The following PDE9A variants were observed in gnomAD, a reference collection of about 807,000 sequenced individuals.
PDE9A encodes the protein phosphodiesterase 9A.
PDE9A carries 60 observed loss-of-function variants against 87.4 expected under a neutral mutation model. The ratio of observed to expected loss-of-function variants is 0.69; its 90% confidence interval spans 0.56 to 0.85. The LOEUF (loss-of-function observed/expected upper bound fraction) is 0.85. PDE9A is among the 40% of genes least tolerant of loss of function. The probability of loss-of-function intolerance (pLI) is 0.00; values close to 1 mark genes in which losing one functional copy is unlikely to be tolerated. For synonymous variants in PDE9A, 272 were observed against 279.4 expected, an observed-to-expected ratio of 0.97 and a Z score of 0.27; for missense variants, 665 against 779.0, an observed-to-expected ratio of 0.85 and a Z score of 1.74.
chr21:42,731,397 TAG>T (rs1367830118), intron 4 of PDE9A, among the ~76,000 whole-genome samples: 1 of 152,140 alleles, frequency 6.6e-6, no homozygotes, highest in East Asian at 1.9e-4. Context: ...TGGAGCCAGG[TAG>T]AGACCGCTCC....
At chr21:42,686,783 C>G (rs1414424445) in intron 2 of PDE9A, among the ~76,000 whole-genome samples, 58 of 152,096 alleles carry the variant, frequency 3.8e-4, no homozygotes, top group Admixed American at 3.8e-3. Flanking sequence ...CCATTGCACT[C>G]CAGCCTGGGC....
At position 42,731,927 on chromosome 21, in the gene PDE9A, G is replaced by T. The variant is rs377383255; in HGVS notation, c.420G>T (p.Gln140His). 2 of 1,613,880 alleles carry T rather than the reference G, an allele frequency of 1.2e-6. No homozygotes were observed. The highest frequency in any genetic ancestry group is 1.7e-6 in the Non-Finnish European group (2 of 1,179,892). Residue 140 changes from glutamine (Q) to histidine (H), a missense_variant, in exon 5 of 20, where the codon CAG (glutamine) becomes CAT (histidine). Transcript: ENST00000291539. ...PRPREPQGCYQEGQRIPPERE... is the reference protein window; with the variant it reads ...PRPREPQGCYHEGQRIPPERE... ...CCAGAGAGCCCCAGGGCTGCTACCA[G>T]GAAGGCCAGCGCATCCCTCCAGGTA...
At chr21:42,747,891 A>C (rs925814715) in intron 8 of PDE9A, among the ~76,000 whole-genome samples, 3 of 152,236 alleles carry the variant, frequency 2.0e-5, no homozygotes, top group African/African-American at 7.2e-5. Context: ...AAATGAAAGC[A>C]AAGATAAGCT....
At chr21:42,732,257 CG>C in intron 6 of PDE9A, 133 bp downstream of exon 6, 1 of 807,594 alleles carries the variant, frequency 1.2e-6, no homozygotes, top group African/African-American at 1.7e-5. Context: ...AGGAGCTGCC[CG>C]CACGGTGGAA....
chr21:42,672,343 T>C (rs912603547), intron 1 of PDE9A, among the ~76,000 whole-genome samples: 3 of 152,352 alleles, frequency 2.0e-5, no homozygotes, highest in East Asian at 3.9e-4. Flanking sequence ...GGAATGAAGA[T>C]GACACAGCAC....
chr21:42,673,737 G>A (rs1049144995), intron 1 of PDE9A, among the ~76,000 whole-genome samples: 6 of 152,260 alleles, frequency 3.9e-5, no homozygotes, highest in African/African-American at 1.4e-4. Context: ...AGTTTGTCAC[G>A]GTGGCCCCCC....
At chr21:42,680,041 G>A (rs551933487) in intron 1 of PDE9A, among the ~76,000 whole-genome samples, 1 of 152,324 alleles carries the variant, frequency 6.6e-6, no homozygotes, top group South Asian at 2.1e-4. Flanking sequence ...AGGACCTGGG[G>A]TGCCAGGAGC....
At chr21:42,753,430 T>C (rs2054640445) in intron 9 of PDE9A, among the ~76,000 whole-genome samples, 1 of 152,198 alleles carries the variant, frequency 6.6e-6, no homozygotes, top group South Asian at 2.1e-4. Context: ...AAGCGAGATA[T>C]GGAACATTTC....
intron 14 of PDE9A, among the ~76,000 whole-genome samples, chr21:42,764,147 G>A (rs889760613): frequency 1.8e-4 from 28 of 152,208 alleles, no homozygotes; most frequent in African/African-American, 4.3e-4. Flanking sequence ...GAGGAGCGCC[G>A]ACAGCCGCAC....
At chr21:42,683,470 A>G (rs1474481943) in intron 1 of PDE9A, among the ~76,000 whole-genome samples, 1 of 152,140 alleles carries the variant, frequency 6.6e-6, no homozygotes, top group Non-Finnish European at 1.5e-5. Flanking sequence ...TTTTTGGTCC[A>G]TTTTATAGCA....
intron 1 of PDE9A, among the ~76,000 whole-genome samples, chr21:42,677,645 CT>C (rs3841782): frequency 0.15 from 21,485 of 147,866 alleles, 3,696 homozygotes; most frequent in African/African-American, 0.42. Flanking sequence ...ATCCAGTTAT[CT>C]TTTTTTTTTT....
intron 1 of PDE9A, among the ~76,000 whole-genome samples, chr21:42,672,407 C>T (rs1052504688): frequency 3.9e-5 from 6 of 152,264 alleles, no homozygotes; most frequent in African/African-American, 1.4e-4. Flanking sequence ...GCGTTTGGCT[C>T]TGGTTCTAGC....
intron 4 of PDE9A, among the ~76,000 whole-genome samples, chr21:42,717,588 C>T (rs947329495): frequency 6.6e-6 from 1 of 151,124 alleles, no homozygotes; most frequent in African/African-American, 2.4e-5. Flanking sequence ...GACGAGGTTT[C>T]ACCATGTTGG....
chr21:42,758,874 G>A, intron 10 of PDE9A, 125 bp from the exon 11 acceptor site: 1 of 660,034 alleles, frequency 1.5e-6, no homozygotes, highest in Non-Finnish European at 2.7e-6. Flanking sequence ...CTTTCTGGGA[G>A]GGGGAGAACC....
intron 15 of PDE9A, chr21:42,765,756 G>A: frequency 2.2e-6 from 1 of 458,894 alleles, no homozygotes; most frequent in South Asian, 2.1e-5. Context: ...ATAAGTGGGT[G>A]AAGGCCGTGC....
At chr21:42,708,776 G>A (rs891219847) in intron 4 of PDE9A, among the ~76,000 whole-genome samples, 12 of 151,940 alleles carry the variant, frequency 7.9e-5, no homozygotes, top group Non-Finnish European at 1.3e-4. Flanking sequence ...GGCTGATCTC[G>A]AACTCCTGAC....
At chr21:42,713,628 A>AATTTTGGTATT (rs2049545865) in intron 4 of PDE9A, among the ~76,000 whole-genome samples, 1 of 152,050 alleles carries the variant, frequency 6.6e-6, no homozygotes, top group Non-Finnish European at 1.5e-5. Context: ...GATTTTATGT[A>AATTTTGGTATT]ATTTTGGTAT....
intron 15 of PDE9A, among the ~76,000 whole-genome samples, chr21:42,766,367 G>C (rs943235425): frequency 6.6e-6 from 1 of 151,662 alleles, no homozygotes; most frequent in Non-Finnish European, 1.5e-5. Flanking sequence ...CTGCCCTCCC[G>C]GCCTTCAGAG....
chr21:42,744,116 G>T (rs2053598425), intron 8 of PDE9A, among the ~76,000 whole-genome samples: 1 of 152,218 alleles, frequency 6.6e-6, no homozygotes, highest in South Asian at 2.1e-4. Flanking sequence ...ACTTTGGGAG[G>T]CCGAGGTGGG....
Sources: gnomAD v4.1 joint callset for allele counts (sites outside exome capture counted in the v4.1 genomes callset) on GRCh38, gnomAD v4.1.1 for gene constraint, MANE v1.5 for transcripts, NCBI Gene and HGNC (gene_info 2026-07-23, HGNC 2026-07-21) for gene names.